Variants in ZNF638 observed in about 807,000 individuals in gnomAD.
The protein encoded by ZNF638 is CTCL tumor antigen se33-1.
ZNF638 carries 46 observed loss-of-function variants against 195.6 expected under a neutral mutation model. The ratio of observed to expected loss-of-function variants is 0.24; its 90% CI spans 0.19 to 0.30. The LOEUF is 0.30. ZNF638 is among the 10% of genes least tolerant of loss of function. ZNF638 has a pLI of 1.00. For missense variants in ZNF638, 2,440 were observed against 2,325.3 expected, an observed-to-expected ratio of 1.05 and a Z score of -1.01; for synonymous variants, 845 against 772.0, an observed-to-expected ratio of 1.09 and a Z score of -1.57.
chr2:71,338,981 C>T (rs750316889), intron 1 of ZNF638, among the ~76,000 whole-genome samples: 1 of 152,118 alleles, frequency 6.6e-6, no homozygotes, highest in African/African-American at 2.4e-5. Flanking sequence ...CCAGCTTCAT[C>T]GTTTTCTGTA....
chr2:71,432,474 T>G (rs1022715459), intron 26 of ZNF638, among the ~76,000 whole-genome samples: 2 of 152,242 alleles, frequency 1.3e-5, no homozygotes, highest in African/African-American at 4.8e-5. Context: ...GTGCTGGGAT[T>G]ATAGGCTTGA....
chr2:71,408,681 A>G, intron 20 of ZNF638: 1 of 415,762 alleles, frequency 2.4e-6, no homozygotes, highest in Non-Finnish European at 4.8e-6. Flanking sequence ...CCTACACAGT[A>G]GTACATGTAG....
rs770709512 is a variant in ZNF638, at chr2:71,426,616, AAG to A, written c.4748_4749del (p.Lys1583ArgfsTer10). The A allele has an allele frequency of 6.2e-7, 1 of 1,614,152 alleles. No individual in the cohort carries two copies. On this transcript the variant is annotated frameshift_variant, in exon 24 of 28. Transcript: ENST00000264447. LOFTEE classifies it high-confidence loss of function. ...PFSELNLKKK[K>X]GKTSTPRGVE... ...CTCTGAACTTAACTTAAAGAAGAAA[AAG>A]GGGAAAACTTCCACTCCTCGTGGTG...
At chr2:71,348,638 T>C in intron 1 of ZNF638, 115 bp from the exon 2 acceptor site, 1 of 1,263,060 alleles carries the variant, frequency 7.9e-7, no homozygotes, top group Non-Finnish European at 1.0e-6. Flanking sequence ...TAAAAGTATA[T>C]GAAATGCAGA....
At chr2:71,408,378 C>G in intron 20 of ZNF638, 131 bp downstream of exon 20, 2 of 1,139,476 alleles carry the variant, frequency 1.8e-6, no homozygotes, top group South Asian at 1.8e-5. Flanking sequence ...AATCAGTGTT[C>G]CAATTTTCAT....
At chr2:71,390,890 A>G (rs938412379) in intron 10 of ZNF638, among the ~76,000 whole-genome samples, 1 of 152,178 alleles carries the variant, frequency 6.6e-6, no homozygotes, top group Non-Finnish European at 1.5e-5. Flanking sequence ...AACTCTAAAC[A>G]TGACTGTCCC....
At chr2:71,403,711 G>T in intron 16 of ZNF638, 159 bp from the exon 17 acceptor site, 1 of 450,270 alleles carries the variant, frequency 2.2e-6, no homozygotes, top group Non-Finnish European at 3.9e-6. Context: ...TAGTCTTTGG[G>T]CCTCAATTTT....
chr2:71,362,084 T>TA (rs1206233855), intron 3 of ZNF638, among the ~76,000 whole-genome samples: 23 of 152,334 alleles, frequency 1.5e-4, no homozygotes, highest in African/African-American at 5.3e-4. Flanking sequence ...AGATGCCTCT[T>TA]AGAGTTCAGA....
intron 1 of ZNF638, among the ~76,000 whole-genome samples, chr2:71,345,366 T>C (rs2078832976): frequency 6.6e-6 from 1 of 152,164 alleles, no homozygotes; most frequent in Non-Finnish European, 1.5e-5. Flanking sequence ...AGATATGTTA[T>C]TTGGCATATA....
chr2:71,356,436 G>T (rs1365054754), intron 3 of ZNF638, among the ~76,000 whole-genome samples: 1 of 152,144 alleles, frequency 6.6e-6, no homozygotes, highest in Non-Finnish European at 1.5e-5. Flanking sequence ...TAGACTGAGA[G>T]TAACGTGTTA....
chr2:71,400,337 C>T (rs2079981616), intron 14 of ZNF638, 141 bp from the exon 15 acceptor site: 1 of 1,044,622 alleles, frequency 9.6e-7, no homozygotes, highest in African/African-American at 1.6e-5. Context: ...AAGCCAATGT[C>T]ACTTTTGTAG....
chr2:71,337,844 A>G (rs2078697854), intron 1 of ZNF638, among the ~76,000 whole-genome samples: 1 of 142,242 alleles, frequency 7.0e-6, no homozygotes, highest in Non-Finnish European at 1.6e-5. Flanking sequence ...ATGTCTTTTT[A>G]ATCTTCCTTA....
At position 71,368,489 on chromosome 2, in the gene ZNF638, G is replaced by A; in HGVS notation, c.2103G>A (p.Gly701=). ...TGAGAAAATTATTTCAACCATTTGG[G>A]AAAGTGAATGATGTCCTAATTGTTC... is the stretch of plus-strand genomic sequence containing the variant. ...EDVRKLFQPF[G]KVNDVLIVPY... is the part of the protein sequence containing the mutation. The change falls in exon 7 of 28, where the codon GGG becomes GGA. Residue 701 remains glycine (G), a synonymous_variant. Transcript: ENST00000264447. 6 of 1,613,384 alleles carry A rather than the reference G, an allele frequency of 3.7e-6. No individual in the cohort carries two copies. The highest frequency in any genetic ancestry group is 5.1e-6 in the Non-Finnish European group (6 of 1,179,730).
intron 20 of ZNF638, among the ~76,000 whole-genome samples, chr2:71,412,024 A>G (rs1439228398): frequency 6.8e-5 from 8 of 117,542 alleles, no homozygotes; most frequent in Admixed American, 5.3e-4. Context: ...TGTTATTTCT[A>G]GTTCTAGATC....
At chr2:71,428,240 A>C (rs2080579962) in intron 24 of ZNF638, among the ~76,000 whole-genome samples, 1 of 152,164 alleles carries the variant, frequency 6.6e-6, no homozygotes, top group Admixed American at 6.5e-5. Flanking sequence ...ACTAAGAATA[A>C]AATACTAGGA....
chr2:71,386,219 AG>A (rs1354269856), intron 10 of ZNF638, among the ~76,000 whole-genome samples: 7 of 148,744 alleles, frequency 4.7e-5, no homozygotes, highest in African/African-American at 1.7e-4. Flanking sequence ...GCTTGAGCCC[AG>A]GAGGTCGACG....
At chr2:71,372,559 C>T (rs554156072) in intron 8 of ZNF638, among the ~76,000 whole-genome samples, 3 of 152,208 alleles carry the variant, frequency 2.0e-5, no homozygotes, top group African/African-American at 7.2e-5. Flanking sequence ...CTGCTACCCT[C>T]GTCAATGCCT....
chr2:71,407,772 T>C (rs1001460724), intron 19 of ZNF638: 13 of 159,388 alleles, frequency 8.2e-5, no homozygotes, highest in Non-Finnish European at 1.4e-4. Context: ...TGTGGAATTA[T>C]ATTTGCTTTT....
intron 10 of ZNF638, among the ~76,000 whole-genome samples, chr2:71,391,159 T>G (rs920890118): frequency 6.6e-6 from 1 of 152,184 alleles, no homozygotes; most frequent in Non-Finnish European, 1.5e-5. Flanking sequence ...GTCTGGGAAA[T>G]GGGGACTTGC....
Sources: allele counts gnomAD v4.1 joint callset (sites outside exome capture counted in the v4.1 genomes callset), GRCh38; gene constraint gnomAD v4.1.1; transcripts MANE v1.5; gene names NCBI Gene and HGNC (gene_info 2026-07-23, HGNC 2026-07-21).